DZIP3: variants seen among roughly 807,000 people sequenced by gnomAD.
DZIP3 encodes E3 ubiquitin-protein ligase DZIP3.
Under a neutral mutation model 162.0 loss-of-function variants are expected in DZIP3, and 118 were observed. That is an observed-to-expected ratio of 0.73 (90% CI 0.63 to 0.85). DZIP3 has a LOEUF of 0.85. Among genes scored for constraint, DZIP3 ranks in the 40% least tolerant of loss-of-function variants. The pLI is 0.00. For synonymous variants in DZIP3, 438 were observed against 458.6 expected (o/e 0.96, Z 0.57); for missense variants, 1,331 against 1,407.0 (o/e 0.95, Z 0.86).
chr3:108,669,683 T>C lies in DZIP3; in HGVS notation c.2426T>C (p.Leu809Ser). ...VAFGINKVSK[L>S]QRQIHAKDNE... Reference sequence around the variant, plus strand: ...GACTTTCTTGCTTGTTTGCTTAGATTACAGCGTCAAATCCATGCTAAAGAT... The same window carrying C: ...GACTTTCTTGCTTGTTTGCTTAGATCACAGCGTCAAATCCATGCTAAAGAT... Residue 809 changes from leucine (L) to serine (S), a missense_variant and splice_region_variant, in exon 22 of 33, where the codon TTA (leucine) becomes TCA (serine). Leu to Ser is a moderately radical substitution (Grantham distance 145). Around this residue, in one of 2 missense-constraint regions of DZIP3, gnomAD observed 1,278 missense variants for 1,317.1 expected, o/e 0.97. Transcript: ENST00000361582. 1 of 1,610,948 alleles carries C rather than the reference T, an allele frequency of 6.2e-7. No individual in the cohort carries two copies. Among genetic ancestry groups the C allele is most frequent in the Non-Finnish European group, 8.5e-7 (1 of 1,178,174 alleles).
intron 8 of DZIP3, among the ~76,000 whole-genome samples, chr3:108,630,980 TGA>T (rs1231497466): frequency 7.4e-6 from 1 of 135,808 alleles, no homozygotes; most frequent in Non-Finnish European, 1.6e-5. Flanking sequence ...CTGTGAAAAA[TGA>T]GAGTTTAGCT....
intron 7 of DZIP3, among the ~76,000 whole-genome samples, chr3:108,628,589 G>C (rs150152699): frequency 6.6e-6 from 1 of 152,196 alleles, no homozygotes; most frequent in Non-Finnish European, 1.5e-5. Flanking sequence ...TATTAGTCTT[G>C]TTGAGGCTGT....
rs141355284 is a variant in DZIP3 at position 108,686,122 on chromosome 3, G to A, written c.3010-323G>A. 2.6e-5 allele frequency among the ~76,000 whole-genome samples: 4 copies of A among 152,184 alleles called. No individual in the cohort carries two copies. The East Asian group carries it at 7.7e-4, about 29-fold the overall frequency. On this transcript the variant is annotated intron_variant, in intron 27 of 32. Transcript: ENST00000361582. ...CCTTCATGTTTTGCTGTACATGTAT[G>A]TAATTACTGAAGCAAGCATGTCCTA...
intron 21 of DZIP3, 124 bp from the exon 22 acceptor site, chr3:108,669,557 C>T: frequency 1.3e-6 from 1 of 743,926 alleles, no homozygotes; most frequent in Non-Finnish European, 2.2e-6. Context: ...TGTATTCAGG[C>T]TCAAGATTTG....
chr3:108,641,694 A>G (rs1054881165), intron 12 of DZIP3, among the ~76,000 whole-genome samples: 11 of 152,204 alleles, frequency 7.2e-5, no homozygotes, highest in Non-Finnish European at 1.2e-4. Context: ...TATCTTCCCC[A>G]ATAACTTCAT....
chr3:108,651,145 C>A lies in DZIP3; in HGVS notation c.2016C>A (p.Asp672Glu). 2 of 753,386 alleles carry A rather than the reference C, an allele frequency of 2.7e-6. No individual in the cohort carries two copies. Among genetic ancestry groups the A allele is most frequent in the Non-Finnish European group, 3.7e-6 (2 of 533,664 alleles). The allele number at this position is 753,386 out of a possible 1,614,324, so 46.7% of individuals were successfully genotyped here. Residue 672 changes from aspartate to glutamate, a missense_variant, in exon 18 of 33, where the codon GAC becomes GAA. Asp to Glu is a conservative substitution (Grantham distance 45). Transcript: ENST00000361582. ...CTTATGTTATTTTTCAGAATAAAGACTCAAAAGAAGACCAAGTGTAAGTAT... is the reference window on the plus strand; with the variant it reads ...CTTATGTTATTTTTCAGAATAAAGAATCAAAAGAAGACCAAGTGTAAGTAT... ...KKKTKNKKNK[D>E]SKEDQVPYVV...
At chr3:108,617,487 T>C (rs964423079) in intron 5 of DZIP3, among the ~76,000 whole-genome samples, 3 of 152,202 alleles carry the variant, frequency 2.0e-5, no homozygotes, top group African/African-American at 2.4e-5. Context: ...GAATTTCTCT[T>C]ATAGGTAAAA....
At chr3:108,640,637 G>A (rs991935887) in intron 12 of DZIP3, among the ~76,000 whole-genome samples, 1 of 151,682 alleles carries the variant, frequency 6.6e-6, no homozygotes. Context: ...GTAGAGACGG[G>A]GTTTCACCAC....
In DZIP3 at chr3:108,632,960, T is replaced by C; in HGVS notation, c.704T>C (p.Leu235Pro). The C allele has an allele frequency of 7.1e-7, 1 of 1,399,302 alleles. No homozygotes were observed. Among genetic ancestry groups the C allele is most frequent in the Non-Finnish European group, 9.6e-7 (1 of 1,043,660 alleles). 86.7% of individuals were successfully genotyped at this position (1,399,302 alleles called of 1,614,324 possible). A position where few individuals can be genotyped will look rare whatever the true frequency, so the allele number is the denominator to read the frequency against. Residue 235 changes from leucine to proline, a missense_variant, in exon 9 of 33, where the codon CTT becomes CCT. This residue lies in a region of DZIP3 where 1,278 missense variants were observed against 1,317.1 expected (regional missense o/e 0.97). Transcript: ENST00000361582. ...EDLPTTFKDL[L>P]NNFIKTTESN... ...TCTGTTTTTAAAATCTAGGATCTTC[T>C]TAATAATTTTATCAAGACAACTGAA...
At chr3:108,687,854 A>G (rs1944549592) in intron 28 of DZIP3, 122 bp from the exon 29 acceptor site, 1 of 1,276,280 alleles carries the variant, frequency 7.8e-7, no homozygotes, top group Non-Finnish European at 1.1e-6. Context: ...AGACCTAAAG[A>G]GTCCTGTCTG....
At chr3:108,691,520 TCTGTGTCC>T (rs1176392574) in intron 32 of DZIP3, 2 of 152,182 alleles carry the variant, frequency 1.3e-5, no homozygotes, top group African/African-American at 2.4e-5. Flanking sequence ...CAGATTCTTC[TCTGTGTCC>T]CTGTGTCTCC....
intron 14 of DZIP3, among the ~76,000 whole-genome samples, chr3:108,646,390 A>G (rs973957850): frequency 6.6e-6 from 1 of 152,154 alleles, no homozygotes; most frequent in Non-Finnish European, 1.5e-5. Context: ...CTGTGATACC[A>G]CATTTTTGTT....
rs183791809 is a variant in DZIP3, at chr3:108,626,538, G to A, written c.581+569G>A. On this transcript the variant is annotated intron_variant, in intron 7 of 32. Transcript: ENST00000361582. Reference sequence around the variant, plus strand: ...TACTTTTAAGAAAGTGAAATTGTATGGAGGAAACTATACAGATTATCTGTT... The same window carrying A: ...TACTTTTAAGAAAGTGAAATTGTATAGAGGAAACTATACAGATTATCTGTT... 1.5e-3 allele frequency among the ~76,000 whole-genome samples: 223 copies of A among 152,236 alleles called. 1 individual carries two copies. The highest frequency in any genetic ancestry group is 5.1e-3 in the African/African-American group (211 of 41,554).
At position 108,611,173 on chromosome 3, in the gene DZIP3, G is replaced by GA; in HGVS notation, c.104dup (p.Asn35LysfsTer6). On this transcript the variant is annotated frameshift_variant and splice_region_variant. Transcript: ENST00000361582. LOFTEE classifies it high-confidence loss of function. The stretch of plus-strand genomic sequence containing the variant: ...AATTTTTAATCAATAATGTCTTCTA[G>GA]AACAAACAGGAAAATGACATACCTA... The GA allele has an allele frequency of 1.3e-6, 2 of 1,583,556 alleles. No homozygotes were observed. Among genetic ancestry groups the GA allele is most frequent in the Non-Finnish European group, 1.7e-6 (2 of 1,171,554 alleles).
In DZIP3 at chr3:108,675,712, G is replaced by A. The variant is rs976850778; in HGVS notation, c.2694-74G>A. ...TTTGTTGACATATATGCTAGAAAGC[G>A]TGATAGACATGTTTGGAAACCTAAG... On this transcript the variant is annotated intron_variant, in intron 24 of 32. Coordinates refer to ENST00000361582, the MANE Select transcript of DZIP3 (RefSeq NM_014648.4). 110 of 1,316,900 alleles carry A rather than the reference G, an allele frequency of 8.4e-5. No individual in the cohort carries two copies. The East Asian group carries it at 2.0e-3, about 24-fold the overall frequency. The allele number at this position is 1,316,900 out of a possible 1,614,324, so 81.6% of individuals were successfully genotyped here.
chr3:108,618,619 CACTT>C (rs955343540), intron 5 of DZIP3, among the ~76,000 whole-genome samples: 16 of 152,204 alleles, frequency 1.1e-4, no homozygotes, highest in Non-Finnish European at 2.1e-4. Context: ...TTAATAGACT[CACTT>C]AGTCCATCAA....
At position 108,671,043 on chromosome 3, in the gene DZIP3, A is replaced by G. The variant is rs564101274; in HGVS notation, c.2492+1294A>G. Among the ~76,000 whole-genome samples, 16 of 151,994 alleles carry G rather than the reference A, an allele frequency of 1.1e-4. 1 individual carries two copies. Among genetic ancestry groups the G allele is most frequent in the Admixed American group, 6.6e-4 (10 of 15,228 alleles). ...CAGATACAAGTCCCTTATCGGATAC[A>G]TGATTTTCAAATACTCTCATTCTTT... On this transcript the variant is annotated intron_variant, in intron 22 of 32. Coordinates refer to ENST00000361582, the MANE Select transcript of DZIP3 (RefSeq NM_014648.4).
At chr3:108,662,049 A>G in intron 20 of DZIP3, 77 bp downstream of exon 20, 1 of 1,574,346 alleles carries the variant, frequency 6.4e-7, no homozygotes, top group Non-Finnish European at 8.6e-7. Flanking sequence ...TTTCTGTTTG[A>G]AAAGAACTTA....
intron 31 of DZIP3, 90 bp from the exon 32 acceptor site, chr3:108,690,697 C>A: frequency 1.8e-6 from 2 of 1,125,984 alleles, no homozygotes; most frequent in Non-Finnish European, 2.6e-6. Context: ...CACCAGAAGA[C>A]ATGTTGGTTG....
Sources: gnomAD v4.1 joint callset for allele counts (sites outside exome capture counted in the v4.1 genomes callset) on GRCh38, gnomAD v4.1.1 for gene constraint, gnomAD v4.1.1 regional missense constraint, MANE v1.5 for transcripts, NCBI Gene and HGNC (gene_info 2026-07-23, HGNC 2026-07-21) for gene names.